ELAPOR2: variants seen among roughly 807,000 people sequenced by gnomAD.
The protein encoded by ELAPOR2 is endosome/lysosome-associated apoptosis and autophagy regulator family member 2.
Under a neutral mutation model 120.7 loss-of-function variants are expected in ELAPOR2, and 89 were observed. That is an observed-to-expected ratio of 0.74 (90% confidence interval 0.62 to 0.88). The LOEUF (loss-of-function observed/expected upper bound fraction) is 0.88, where lower values mean the gene tolerates loss of function less well. Ranked by LOEUF, ELAPOR2 falls within the 40% of genes least tolerant of loss-of-function variation. The pLI, the probability that ELAPOR2 is intolerant of heterozygous loss-of-function variation, is 0.00. For synonymous variants in ELAPOR2, 444 were observed against 444.9 expected (o/e 1.00, Z 0.03); for missense variants, 1,134 against 1,251.6 (o/e 0.91, Z 1.42).
intron 1 of ELAPOR2, among the ~76,000 whole-genome samples, chr7:87,008,389 T>G (rs142964086): frequency 6.6e-6 from 1 of 152,196 alleles, no homozygotes; most frequent in Non-Finnish European, 1.5e-5. Context: ...TTAGGCTGCA[T>G]CCTGGATTGG....
At chr7:86,987,318 A>G (rs1285381123) in intron 1 of ELAPOR2, among the ~76,000 whole-genome samples, 1 of 152,202 alleles carries the variant, frequency 6.6e-6, no homozygotes, top group African/African-American at 2.4e-5. Flanking sequence ...ACCAAAAGCA[A>G]CAGCAACAAA....
chr7:86,999,246 G>C (rs982870592), intron 1 of ELAPOR2, among the ~76,000 whole-genome samples: 2 of 151,962 alleles, frequency 1.3e-5, no homozygotes, highest in Non-Finnish European at 2.9e-5. Flanking sequence ...CACTTAATTT[G>C]GGCAAGGTAT....
Position 86,892,997 on chromosome 7 carries a change from A to C in ELAPOR2, c.2789T>G (p.Val930Gly). 1.9e-6 allele frequency: 3 copies of C among 1,579,898 alleles called. No individual in the cohort carries two copies. Among genetic ancestry groups the C allele is most frequent in the Non-Finnish European group, 2.6e-6 (3 of 1,169,012 alleles). ...TCETVDFWLKVGAGVGAFTAV... is the reference protein window; with the variant it reads ...TCETVDFWLKGGAGVGAFTAV... Reference sequence around the variant, plus strand: ...AGTAAAAGCTCCCACACCGGCTCCCACCTTCAGCCAAAAGTCAACCGTTTC... The same window carrying C: ...AGTAAAAGCTCCCACACCGGCTCCCCCCTTCAGCCAAAAGTCAACCGTTTC... Residue 930 changes from valine to glycine, a missense_variant, in exon 20 of 22, where the codon GTG (valine) becomes GGG (glycine). Transcript: ENST00000450689.
Position 86,904,291 on chromosome 7 carries a change from T to C in ELAPOR2, c.2558+3379A>G, listed in dbSNP as rs116949311. Among the ~76,000 whole-genome samples, 363 of 152,318 alleles carry C rather than the reference T, an allele frequency of 2.4e-3. 1 individual carries two copies. The highest frequency in any genetic ancestry group is 3.9e-3 in the Non-Finnish European group (262 of 68,030). On this transcript the variant is annotated intron_variant, in intron 18 of 21. Coordinates refer to ENST00000450689, the MANE Select transcript of ELAPOR2 (RefSeq NM_001142749.3). ...AAAAGAACCCTTTGGACACAATGCTTAGGTCTAAATTCTTCCCAATAAAAG... is the reference window on the plus strand; with the variant it reads ...AAAAGAACCCTTTGGACACAATGCTCAGGTCTAAATTCTTCCCAATAAAAG...
At chr7:87,028,756 C>T (rs769400308) in intron 1 of ELAPOR2, among the ~76,000 whole-genome samples, 81 of 152,178 alleles carry the variant, frequency 5.3e-4, no homozygotes, top group Middle Eastern at 6.8e-3. Flanking sequence ...GCCTCTAAGG[C>T]CTTCATCTCA....
chr7:86,942,545 T>C (rs1467458870), intron 4 of ELAPOR2, among the ~76,000 whole-genome samples: 4 of 152,066 alleles, frequency 2.6e-5, no homozygotes, highest in Admixed American at 2.0e-4. Context: ...AAATTAAAAA[T>C]AAATAAAGTC....
intron 1 of ELAPOR2, among the ~76,000 whole-genome samples, chr7:87,005,693 T>C (rs1353747932): frequency 6.6e-6 from 1 of 152,136 alleles, no homozygotes; most frequent in Non-Finnish European, 1.5e-5. Context: ...TCTCAACAAA[T>C]GGTGTTGGAA....
chr7:86,971,576 A>ATCT (rs1792108864), intron 1 of ELAPOR2, among the ~76,000 whole-genome samples: 1 of 152,206 alleles, frequency 6.6e-6, no homozygotes, highest in Non-Finnish European at 1.5e-5. Context: ...ATTACATTTA[A>ATCT]ACTTATTGAA....
intron 2 of ELAPOR2, among the ~76,000 whole-genome samples, chr7:86,962,339 C>T (rs1424117324): frequency 6.6e-6 from 1 of 152,148 alleles, no homozygotes; most frequent in Non-Finnish European, 1.5e-5. Context: ...AGGCCAAATT[C>T]TGGGTTTCAT....
intron 1 of ELAPOR2, among the ~76,000 whole-genome samples, chr7:87,049,172 C>T (rs1795032712): frequency 6.6e-6 from 1 of 151,940 alleles, no homozygotes; most frequent in East Asian, 1.9e-4. Flanking sequence ...TGAAGTCATA[C>T]AAACCAAATA....
chr7:87,043,495 A>G (rs1351733109), intron 1 of ELAPOR2, among the ~76,000 whole-genome samples: 2 of 151,778 alleles, frequency 1.3e-5, no homozygotes, highest in Non-Finnish European at 2.9e-5. Flanking sequence ...ATATAAACAG[A>G]GCCAAAGACA....
rs1790085496 is a variant in ELAPOR2, at chr7:86,926,772, G to C, written c.1234C>G (p.Pro412Ala). The change falls in exon 9 of 22, where the codon CCC (proline) becomes GCC (alanine). Residue 412 changes from proline to alanine, a missense_variant. Pro to Ala is a conservative substitution (Grantham distance 27, BLOSUM62 -1). Coordinates refer to ENST00000450689, the MANE Select transcript of ELAPOR2 (RefSeq NM_001142749.3). ...TCTGAAAATGTTCCAGGAGGACAGG[G>C]ATGGCAAGAAGATGATCCATTGTTA... The part of the protein sequence containing the change: ...FYNNGSSSCH[P>A]CPPGTFSDGT... 2 of 1,611,444 alleles carry C rather than the reference G, an allele frequency of 1.2e-6. No homozygotes were observed. The highest frequency in any genetic ancestry group is 1.7e-6 in the Non-Finnish European group (2 of 1,178,676).
At chr7:86,987,912 A>T (rs1792809679) in intron 1 of ELAPOR2, among the ~76,000 whole-genome samples, 1 of 152,138 alleles carries the variant, frequency 6.6e-6, no homozygotes, top group African/African-American at 2.4e-5. Context: ...GTTTATTGTG[A>T]CACTACTCAC....
chr7:86,901,134 C>A (rs1214554768), intron 18 of ELAPOR2, among the ~76,000 whole-genome samples: 1 of 152,172 alleles, frequency 6.6e-6, no homozygotes, highest in Non-Finnish European at 1.5e-5. Flanking sequence ...GGCTAGGATT[C>A]TACAGGATTA....
chr7:86,944,608 G>A (rs970833383), intron 4 of ELAPOR2, among the ~76,000 whole-genome samples: 3 of 152,024 alleles, frequency 2.0e-5, no homozygotes, highest in East Asian at 1.9e-4. Context: ...GGAAATATTT[G>A]TCACACAAAA....
At chr7:86,886,789 C>T (rs538576333) in intron 21 of ELAPOR2, among the ~76,000 whole-genome samples, 18 of 152,238 alleles carry the variant, frequency 1.2e-4, no homozygotes, top group African/African-American at 3.6e-4. Context: ...CCCTACTCCA[C>T]GGCTCAAAAC....
intron 12 of ELAPOR2, among the ~76,000 whole-genome samples, chr7:86,917,398 CAG>C (rs1789616635): frequency 1.3e-5 from 2 of 152,060 alleles, no homozygotes; most frequent in Admixed American, 1.3e-4. Context: ...GCCTGGGCAA[CAG>C]AGTGAGACTT....
At chr7:86,880,598 TC>T in intron 21 of ELAPOR2, 68 bp from the exon 22 acceptor site, 1 of 984,396 alleles carries the variant, frequency 1.0e-6, no homozygotes, top group Non-Finnish European at 1.6e-6. Flanking sequence ...ATCTTACATG[TC>T]CAGAAGGAAA....
At chr7:86,979,780 C>A (rs995582454) in intron 1 of ELAPOR2, among the ~76,000 whole-genome samples, 1 of 152,174 alleles carries the variant, frequency 6.6e-6, no homozygotes, top group African/African-American at 2.4e-5. Flanking sequence ...ACATGTCACC[C>A]AATCTCACAA....
Sources: allele counts gnomAD v4.1 joint callset (sites outside exome capture counted in the v4.1 genomes callset), GRCh38; gene constraint gnomAD v4.1.1; transcripts MANE v1.5; gene names NCBI Gene and HGNC (gene_info 2026-07-23, HGNC 2026-07-21).